Variants in TET2 observed in about 807,000 individuals in gnomAD.
The protein encoded by TET2 is methylcytosine dioxygenase TET2.
Under a neutral mutation model 142.9 loss-of-function variants are expected in TET2, and 299 were observed. The observed-to-expected ratio is 2.09, with a 90% CI of 1.90 to 2.30. The LOEUF (loss-of-function observed/expected upper bound fraction) is 2.30, where lower values mean the gene tolerates loss of function less well. Among genes scored for constraint, TET2 ranks in the 30% most tolerant of loss-of-function variants. TET2 has a pLI of 0.00. For synonymous variants in TET2, 819 were observed against 849.0 expected (o/e 0.96, Z 0.61); for missense variants, 2,418 against 2,378.0 (o/e 1.02, Z -0.35).
chr4:105,168,055 C>T (rs548060667), intron 1 of TET2, among the ~76,000 whole-genome samples: 56 of 152,320 alleles, frequency 3.7e-4, no homozygotes, highest in African/African-American at 1.3e-3. Flanking sequence ...AAACCACCTT[C>T]ATGTGTTACT....
chr4:105,160,131 AT>A (rs973547214), intron 1 of TET2, among the ~76,000 whole-genome samples: 1 of 152,230 alleles, frequency 6.6e-6, no homozygotes, highest in African/African-American at 2.4e-5. Flanking sequence ...GCTCCTTAGT[AT>A]ACCATTATAC....
At position 105,276,004 on chromosome 4, in the gene TET2, C is replaced by T. The variant is rs1334769722; in HGVS notation, c.5494C>T (p.Leu1832=). ...TGGTCAGGAAAAGCAGCCATTGGCA[C>T]TAGTCCAGGGTGTGGCTTCTGGTGC... ...ANGQEKQPLA[L]VQGVASGAED... Residue 1832 remains leucine, a synonymous_variant, in exon 11 of 11, where the codon CTA becomes TTA. Transcript: ENST00000380013. 4 of 1,551,766 alleles carry T rather than the reference C, an allele frequency of 2.6e-6. No individual in the cohort carries two copies. The highest frequency in any genetic ancestry group is 2.4e-5 in the East Asian group (1 of 40,914).
intron 1 of TET2, among the ~76,000 whole-genome samples, chr4:105,162,088 T>C (rs1307712131): frequency 2.6e-5 from 4 of 152,218 alleles, no homozygotes; most frequent in Admixed American, 6.5e-5. Flanking sequence ...CACAGAATCC[T>C]TGGGGTCTTT....
chr4:105,277,786 G>C lies in TET2; in HGVS notation c.*1267G>C. 4.4e-6 allele frequency: 1 copy of C among 227,546 alleles called. No individual in the cohort carries two copies. Among genetic ancestry groups the C allele is most frequent in the Non-Finnish European group, 8.7e-6 (1 of 114,604 alleles). The allele number at this position is 227,546 out of a possible 1,614,324, so 14.1% of individuals were successfully genotyped here. Reference sequence around the variant, plus strand: ...TTCTATTAACTGCAGGTAATAATTAGCTGCATGCTGCAGACTCAACAAAGC... The same window carrying C: ...TTCTATTAACTGCAGGTAATAATTACCTGCATGCTGCAGACTCAACAAAGC... On this transcript the variant is annotated 3_prime_UTR_variant, in exon 11 of 11. Coordinates refer to ENST00000380013, the MANE Select transcript of TET2 (RefSeq NM_001127208.3).
At position 105,272,758 on chromosome 4, in the gene TET2, G is replaced by A; in HGVS notation, c.4377G>A (p.Glu1459=). ...SFRRKVRMLA[E]PVKTCRQRKL... is the part of the protein sequence containing the mutation. Reference sequence around the variant, plus strand: ...GGCGAAAAGTCAGGATGTTAGCAGAGCCAGTCAAGACTTGCCGACAAAGGA... The same window carrying A: ...GGCGAAAAGTCAGGATGTTAGCAGAACCAGTCAAGACTTGCCGACAAAGGA... Residue 1459 remains glutamate, a synonymous_variant, in exon 10 of 11, where the codon GAG becomes GAA. Coordinates refer to ENST00000380013, the MANE Select transcript of TET2 (RefSeq NM_001127208.3). 6.4e-7 allele frequency: 1 copy of A among 1,551,666 alleles called. No individual in the cohort carries two copies. Among genetic ancestry groups the A allele is most frequent in the Non-Finnish European group, 8.7e-7 (1 of 1,146,978 alleles).
chr4:105,269,459 G>T (rs1270825461), intron 8 of TET2, 151 bp from the exon 9 acceptor site: 15 of 758,660 alleles, frequency 2.0e-5, no homozygotes, highest in Non-Finnish European at 2.7e-5. Context: ...CAAGATATTT[G>T]CTCTATTTTG....
At chr4:105,254,113 T>C (rs1394619692) in intron 6 of TET2, among the ~76,000 whole-genome samples, 2 of 152,194 alleles carry the variant, frequency 1.3e-5, no homozygotes, top group Non-Finnish European at 2.9e-5. Context: ...TTGGTGTTGG[T>C]ATTAAGGTAA....
At chr4:105,239,079 T>TTTG (rs1392948292) in intron 3 of TET2, 36 of 233,028 alleles carry the variant, frequency 1.5e-4, no homozygotes, top group East Asian at 6.4e-5. Flanking sequence ...TTTTTGTTTT[T>TTTG]TTTTTTTGTT....
At chr4:105,241,012 T>G in intron 3 of TET2, 1 of 1,084,562 alleles carries the variant, frequency 9.2e-7, no homozygotes, top group Non-Finnish European at 1.1e-6. Flanking sequence ...CTCAAAAAAT[T>G]GGATTGTAGT....
intron 8 of TET2, 77 bp from the exon 9 acceptor site, chr4:105,269,532 TG>T (rs745747410): frequency 6.6e-5 from 95 of 1,436,112 alleles, no homozygotes; most frequent in Non-Finnish European, 8.5e-5. Flanking sequence ...AAGTTCTAAA[TG>T]GTCTAAATAC....
chr4:105,191,792 C>A (rs758439126), intron 2 of TET2, among the ~76,000 whole-genome samples: 3 of 152,124 alleles, frequency 2.0e-5, no homozygotes, highest in African/African-American at 7.2e-5. Context: ...GTCTAGATTA[C>A]CTCTCTACCT....
chr4:105,201,231 A>T (rs1014455202), intron 2 of TET2, among the ~76,000 whole-genome samples: 6 of 152,184 alleles, frequency 3.9e-5, no homozygotes, highest in African/African-American at 1.4e-4. Flanking sequence ...AAGCTGGATA[A>T]ATTAACCTAT....
intron 6 of TET2, among the ~76,000 whole-genome samples, chr4:105,258,960 C>G (rs1405680402): frequency 6.6e-6 from 1 of 152,076 alleles, no homozygotes; most frequent in Non-Finnish European, 1.5e-5. Flanking sequence ...GAATATGGTA[C>G]TCAATGAAAA....
intron 1 of TET2, among the ~76,000 whole-genome samples, chr4:105,148,059 T>TACAC (rs146633281): frequency 1.6e-3 from 231 of 147,824 alleles, no homozygotes; most frequent in Non-Finnish European, 1.8e-3. Context: ...CTCATACACA[T>TACAC]ACACACACAC....
At position 105,275,079 on chromosome 4, in the gene TET2, G is replaced by A. The variant is rs1046126515; in HGVS notation, c.4569G>A (p.Gln1523=). 2 of 1,547,000 alleles carry A rather than the reference G, an allele frequency of 1.3e-6. No individual in the cohort carries two copies. Among genetic ancestry groups the A allele is most frequent in the Non-Finnish European group, 1.7e-6 (2 of 1,144,754 alleles). ...TGCGACTTTCAGGACCAGTCATGCA[G>A]CAGTCCCAGCAGCCCCAGCCTCTAC... is the stretch of plus-strand genomic sequence containing the variant. ...ELLRLSGPVM[Q]QSQQPQPLQK... The change falls in exon 11 of 11, where the codon CAG becomes CAA. Residue 1523 remains glutamine, a synonymous_variant. Coordinates refer to ENST00000380013, the MANE Select transcript of TET2 (RefSeq NM_001127208.3).
intron 2 of TET2, among the ~76,000 whole-genome samples, chr4:105,220,740 G>A (rs943656698): frequency 2.0e-5 from 3 of 152,166 alleles, no homozygotes; most frequent in Non-Finnish European, 4.4e-5. Flanking sequence ...CATATATGGA[G>A]CGTTCTTTAG....
intron 2 of TET2, among the ~76,000 whole-genome samples, chr4:105,202,841 T>A (rs1006024049): frequency 6.6e-6 from 1 of 152,226 alleles, no homozygotes; most frequent in African/African-American, 2.4e-5. Flanking sequence ...TGCACTATGT[T>A]ATAAAGATTT....
chr4:105,276,488 G>C lies in TET2; in HGVS notation c.5978G>C (p.Arg1993Pro), dbSNP rs974556421. The C allele has an allele frequency of 1.3e-6, 2 of 1,551,360 alleles. No individual in the cohort carries two copies. Among genetic ancestry groups the C allele is most frequent in the African/African-American group, 1.4e-5 (1 of 72,972 alleles). Residue 1993 changes from arginine to proline, a missense_variant, in exon 11 of 11, where the codon CGG (arginine) becomes CCG (proline). Physicochemically the swap from Arg to Pro is moderately radical, Grantham distance 103. Transcript: ENST00000380013. The stretch of plus-strand genomic sequence containing the variant: ...ACTACATCTCCATATGCCTTCACTC[G>C]GGTCACAGGGCCTTACAACAGATAT... ...TVTTSPYAFT[R>P]VTGPYNRYI
chr4:105,222,833 G>A (rs545435633), intron 2 of TET2, among the ~76,000 whole-genome samples: 1 of 152,054 alleles, frequency 6.6e-6, no homozygotes, highest in East Asian at 1.9e-4. Flanking sequence ...TTCTTCTAGG[G>A]TTTTTATGGT....
Sources: allele counts gnomAD v4.1 joint callset (sites outside exome capture counted in the v4.1 genomes callset), GRCh38; gene constraint gnomAD v4.1.1; transcripts MANE v1.5; gene names NCBI Gene and HGNC (gene_info 2026-07-23, HGNC 2026-07-21).